ZFPL1: variants seen among roughly 807,000 people sequenced by gnomAD.
The protein encoded by ZFPL1 is zinc finger protein-like 1.
A neutral mutation model predicts 32.0 loss-of-function variants in ZFPL1; 28 were observed. The observed-to-expected ratio is 0.87, with a 90% CI of 0.65 to 1.20. The LOEUF (loss-of-function observed/expected upper bound fraction) is 1.20, where lower values mean the gene tolerates loss of function less well. ZFPL1 is among the 50% of genes most tolerant of loss of function. The pLI is 0.00. For missense variants in ZFPL1, 386 were observed against 424.8 expected, an observed-to-expected ratio of 0.91 and a Z score of 0.80; for synonymous variants, 165 against 177.0, an observed-to-expected ratio of 0.93 and a Z score of 0.54.
At position 65,087,986 on chromosome 11, in the gene ZFPL1, C is replaced by T. The variant is rs1947696512; in HGVS notation, c.805C>T (p.Leu269=). 1 of 1,594,246 alleles carries T rather than the reference C, an allele frequency of 6.3e-7. No individual in the cohort carries two copies. Among genetic ancestry groups the T allele is most frequent in the Non-Finnish European group, 8.5e-7 (1 of 1,175,644 alleles). The part of the protein sequence containing the change: ...LTLLQRAGLL[L]LLGLLGFLAL... ...CCTGCTCCAGCGGGCGGGGCTGCTGCTACTCTTGGGACTGCTGGGCTTCCT... is the reference window on the plus strand; with the variant it reads ...CCTGCTCCAGCGGGCGGGGCTGCTGTTACTCTTGGGACTGCTGGGCTTCCT... The change falls in exon 8 of 8, where the codon CTA becomes TTA. Residue 269 remains leucine (L), a synonymous_variant. Transcript: ENST00000294258.
At position 65,086,793 on chromosome 11, in the gene ZFPL1, G is replaced by T; in HGVS notation, c.481+1G>T. 6.2e-7 allele frequency: 1 copy of T among 1,614,178 alleles called. No homozygotes were observed. Among genetic ancestry groups the T allele is most frequent in the Non-Finnish European group, 8.5e-7 (1 of 1,180,030 alleles). On this transcript the variant is annotated splice_donor_variant, in intron 5 of 7. Coordinates refer to ENST00000294258, the MANE Select transcript of ZFPL1 (RefSeq NM_006782.4). LOFTEE classifies it high-confidence loss of function. ...TTCTCTGACTGGTCTAGTTTTAATG[G>T]TAAGTGGTGGCTTCCACCGACTGTT...
At chr11:65,084,667 T>C in intron 1 of ZFPL1, 24 bp from the exon 2 acceptor site, 1 of 1,610,398 alleles carries the variant, frequency 6.2e-7, no homozygotes, top group Non-Finnish European at 8.5e-7. Flanking sequence ...CCTGACTTCC[T>C]ACCAACTCAT....
At chr11:65,087,125 G>A (rs1028065028) in intron 6 of ZFPL1, 51 bp downstream of exon 6, 1 of 1,589,690 alleles carries the variant, frequency 6.3e-7, no homozygotes, top group South Asian at 1.1e-5. Context: ...AGGGTGGAAT[G>A]GTTTGTATAG....
At position 65,086,998 on chromosome 11, in the gene ZFPL1, C is replaced by G. The variant is rs751567708; in HGVS notation, c.552C>G (p.Pro184=). The part of the protein sequence containing the change: ...SAAPAFYSQA[P]RPPASPGRPE... ...CCCCAGCCTTCTACAGCCAGGCCCC[C>G]CGGCCCCCAGCTTCCCCAGGCCGGC... Residue 184 remains proline (P), a synonymous_variant, in exon 6 of 8, where the codon CCC becomes CCG. Coordinates refer to ENST00000294258, the MANE Select transcript of ZFPL1 (RefSeq NM_006782.4). 2.5e-6 allele frequency: 4 copies of G among 1,614,022 alleles called. No homozygotes were observed. The Admixed American group carries it at 5.0e-5, about 20-fold the overall frequency.
chr11:65,085,015 A>G, intron 2 of ZFPL1, 100 bp from the exon 3 acceptor site: 5 of 1,221,850 alleles, frequency 4.1e-6, no homozygotes, highest in East Asian at 2.4e-5. Flanking sequence ...AAACGAAAGG[A>G]TGAGTCTCCT....
chr11:65,088,223 A>G lies in ZFPL1; in HGVS notation c.*109A>G. On this transcript the variant is annotated 3_prime_UTR_variant, in exon 8 of 8. Coordinates refer to ENST00000294258, the MANE Select transcript of ZFPL1 (RefSeq NM_006782.4). Reference sequence around the variant, plus strand: ...TTCACTGCCCCTCTCCCTCAAGCCTAAGACACTAAGACCCCAGACCCAAAG... The same window carrying G: ...TTCACTGCCCCTCTCCCTCAAGCCTGAGACACTAAGACCCCAGACCCAAAG... 2.9e-6 allele frequency: 4 copies of G among 1,368,996 alleles called. No homozygotes were observed. In the Middle Eastern group the frequency reaches 5.8e-4, roughly 199 times the overall value. The allele number at this position is 1,368,996 out of a possible 1,614,324, so 84.8% of individuals were successfully genotyped here. A position where few individuals can be genotyped will look rare whatever the true frequency, so the allele number is the denominator to read the frequency against.
At chr11:65,084,425 G>T in intron 1 of ZFPL1, 47 bp downstream of exon 1, 1 of 560,250 alleles carries the variant, frequency 1.8e-6, no homozygotes, top group Middle Eastern at 4.7e-4. Context: ...GCTCAGGAGA[G>T]GTCTTGGGGG....
chr11:65,084,523 T>G, intron 1 of ZFPL1, 145 bp downstream of exon 1: 1 of 628,664 alleles, frequency 1.6e-6, no homozygotes, highest in Non-Finnish European at 2.7e-6. Context: ...GGAGGCGGGA[T>G]TTATGCAGGG....
In ZFPL1 at chr11:65,087,082, T is replaced by C. The variant is rs766956959; in HGVS notation, c.628+8T>C. On this transcript the variant is annotated splice_region_variant and intron_variant, in intron 6 of 7. Coordinates refer to ENST00000294258, the MANE Select transcript of ZFPL1 (RefSeq NM_006782.4). ...CTGAGCCCTTGACTCACGGTGAGCC[T>C]GGGAGTTATCCAGGCCGCAGAAGGA... 1 of 1,609,730 alleles carries C rather than the reference T, an allele frequency of 6.2e-7. No homozygotes were observed. The highest frequency in any genetic ancestry group is 8.5e-7 in the Non-Finnish European group (1 of 1,176,902).
chr11:65,084,797 C>A lies in ZFPL1; in HGVS notation c.99C>A (p.Ala33=). 1 of 1,614,106 alleles carries A rather than the reference C, an allele frequency of 6.2e-7. No homozygotes were observed. Among genetic ancestry groups the A allele is most frequent in the Non-Finnish European group, 8.5e-7 (1 of 1,180,016 alleles). The change falls in exon 2 of 8, where the codon GCC becomes GCA. Residue 33 remains alanine (A), a synonymous_variant. Transcript: ENST00000294258. ...VCEHCLVANH[A]KCIVQSYLQW... ...AGCACTGCCTGGTAGCCAATCACGC[C>A]AAGGTGGGGCCTTCAGGGGAGCGAC...
Position 65,087,319 on chromosome 11 carries a change from C to T in ZFPL1, c.632C>T (p.Pro211Leu), listed in dbSNP as rs753140973. The T allele has an allele frequency of 1.2e-6, 2 of 1,614,046 alleles. No individual in the cohort carries two copies. Among genetic ancestry groups the T allele is most frequent in the East Asian group, 2.2e-5 (1 of 44,888 alleles). Residue 211 changes from proline (P) to leucine (L), a missense_variant, in exon 7 of 8, where the codon CCT (proline) becomes CTT (leucine). Coordinates refer to ENST00000294258, the MANE Select transcript of ZFPL1 (RefSeq NM_006782.4). ...TGCTAGTGGCTCCACCCTGTAGCCC[C>T]TAGGAAGGTGTATGATACGCGGGAT... is the stretch of plus-strand genomic sequence containing the variant. ...MGNPEPLTHA[P>L]RKVYDTRDDD...
chr11:65,084,461 C>G (rs1947650073), intron 1 of ZFPL1, 83 bp downstream of exon 1: 2 of 579,394 alleles, frequency 3.5e-6, no homozygotes, highest in Admixed American at 3.2e-5. Flanking sequence ...CGGGGAGCCT[C>G]TGATGGAGGG....
At chr11:65,085,605 G>C (rs569704866) in intron 3 of ZFPL1, 2 of 279,266 alleles carry the variant, frequency 7.2e-6, no homozygotes, top group Admixed American at 9.5e-5. Flanking sequence ...CAGAGAGGAA[G>C]TGAGTTTCCC....
chr11:65,086,975 C>T lies in ZFPL1; in HGVS notation c.529C>T (p.Pro177Ser), dbSNP rs1947686051. 6.2e-7 allele frequency: 1 copy of T among 1,613,964 alleles called. No homozygotes were observed. The highest frequency in any genetic ancestry group is 1.1e-5 in the South Asian group (1 of 91,082). The change falls in exon 6 of 8, where the codon CCA (proline) becomes TCA (serine). Residue 177 changes from proline (P) to serine (S), a missense_variant. Physicochemically the swap from Pro to Ser is moderately conservative, Grantham distance 74. Coordinates refer to ENST00000294258, the MANE Select transcript of ZFPL1 (RefSeq NM_006782.4). Reference protein sequence around the residue: ...PEEVDSASAAPAFYSQAPRPP... With the variant: ...PEEVDSASAASAFYSQAPRPP... ...GGAGGTAGACAGCGCCTCTGCTGCC[C>T]CAGCCTTCTACAGCCAGGCCCCCCG...
rs1289735385 is a variant in ZFPL1, at chr11:65,086,513, T to C, written c.313T>C (p.Phe105Leu). 10 of 1,613,930 alleles carry C rather than the reference T, an allele frequency of 6.2e-6. No homozygotes were observed. Among genetic ancestry groups the C allele is most frequent in the African/African-American group, 2.7e-5 (2 of 74,912 alleles). ...GTGCCCCAGCTGCAATGGCCCCATC[T>C]TCCCCCCAACCAACCTGGCTGGCCC... is the stretch of plus-strand genomic sequence containing the variant. ...YQCPSCNGPIFPPTNLAGPVA... is the reference protein window; with the variant it reads ...YQCPSCNGPILPPTNLAGPVA... Residue 105 changes from phenylalanine (F) to leucine (L), a missense_variant, in exon 4 of 8, where the codon TTC (phenylalanine) becomes CTC (leucine). By Grantham distance (22) the Phe-to-Leu change is conservative. Transcript: ENST00000294258.
Position 65,084,331 on chromosome 11 carries a change from G to C in ZFPL1, c.-56G>C, listed in dbSNP as rs999698635. The C allele has an allele frequency of 4.2e-6, 2 of 480,154 alleles. No individual in the cohort carries two copies. Among genetic ancestry groups the C allele is most frequent in the Non-Finnish European group, 3.7e-6 (1 of 270,500 alleles). The allele number at this position is 480,154 out of a possible 1,614,324, so 29.7% of individuals were successfully genotyped here. ...TTCCGCGCCTCGAGCCATCGCTACC[G>C]CCCTTCGGAACCAGTGCAGCGGCCG... On this transcript the variant is annotated 5_prime_UTR_variant, in exon 1 of 8. Coordinates refer to ENST00000294258, the MANE Select transcript of ZFPL1 (RefSeq NM_006782.4).
Position 65,086,346 on chromosome 11 carries a change from A to G in ZFPL1, c.215-69A>G, listed in dbSNP as rs548067412. The G allele has an allele frequency of 1.3e-5, 20 of 1,591,948 alleles. No individual in the cohort carries two copies. In the South Asian group the frequency reaches 2.0e-4, roughly 16 times the overall value. ...TATGTCCTGCAATGGTCTGGGGACT[A>G]TTGCTAGGCTAGGAGCCCTAAGTGT... On this transcript the variant is annotated intron_variant, in intron 3 of 7. Coordinates refer to ENST00000294258, the MANE Select transcript of ZFPL1 (RefSeq NM_006782.4).
chr11:65,086,047 A>G (rs1947675909), intron 3 of ZFPL1: 1 of 326,124 alleles, frequency 3.1e-6, no homozygotes, highest in Non-Finnish European at 5.8e-6. Context: ...GGATGTGTAC[A>G]TGTATATGTG....
chr11:65,086,644 C>G (rs368073891), intron 4 of ZFPL1, 36 bp downstream of exon 4: 135 of 1,613,838 alleles, frequency 8.4e-5, no homozygotes, highest in Non-Finnish European at 1.1e-4. Flanking sequence ...ATCTATCTGC[C>G]CTGGGCCCCA....
Sources: allele counts gnomAD v4.1 joint callset, GRCh38; gene constraint gnomAD v4.1.1; transcripts MANE v1.5; gene names NCBI Gene and HGNC (gene_info 2026-07-23, HGNC 2026-07-21).